UGT1A5: variants seen among roughly 807,000 people sequenced by gnomAD.
UGT1A5 encodes the protein UDP glucuronosyltransferase family 1 member A5.
Under a neutral mutation model 40.3 loss-of-function variants are expected in UGT1A5, and 29 were observed. That is an observed-to-expected ratio of 0.72 (90% CI 0.54 to 0.98). The LOEUF is 0.98. Among genes scored for constraint, UGT1A5 ranks in the 50% least tolerant of loss-of-function variants. UGT1A5 has a pLI of 0.00. For synonymous variants in UGT1A5, 257 were observed against 262.5 expected, an observed-to-expected ratio of 0.98 and a Z score of 0.20; for missense variants, 678 against 677.9, an observed-to-expected ratio of 1.00 and a Z score of 0.00.
chr2:233,767,877 CA>C lies in UGT1A5; in HGVS notation c.1029del (p.Ser344ArgfsTer23). On this transcript the variant is annotated frameshift_variant, in exon 3 of 5. Coordinates refer to ENST00000373414, the MANE Select transcript of UGT1A5 (RefSeq NM_019078.2). LOFTEE classifies it high-confidence loss of function. ...TVLWRYTGTR[P>X]SNLANNTILV... Reference sequence around the variant, plus strand: ...CTGTGGCGGTACACTGGAACCCGACCATCGAATCTTGCGAACAACACGATAC... The same window carrying C: ...CTGTGGCGGTACACTGGAACCCGACCTCGAATCTTGCGAACAACACGATAC... 6.2e-7 allele frequency: 1 copy of C among 1,614,140 alleles called. No homozygotes were observed. The highest frequency in any genetic ancestry group is 8.5e-7 in the Non-Finnish European group (1 of 1,180,040).
intron 1 of UGT1A5, chr2:233,719,729 A>C: frequency 6.2e-7 from 1 of 1,613,584 alleles, no homozygotes. Context: ...TCCAGGCAAA[A>C]CACTTTTTAA....
chr2:233,754,685 T>G (rs1172577930), intron 1 of UGT1A5: 1 of 484,648 alleles, frequency 2.1e-6, no homozygotes, highest in African/African-American at 2.0e-5. Context: ...CATCAACTAT[T>G]TCAGTGGAAG....
intron 1 of UGT1A5, among the ~76,000 whole-genome samples, chr2:233,766,588 C>T (rs1357032158): frequency 3.3e-5 from 5 of 152,174 alleles, no homozygotes; most frequent in Non-Finnish European, 5.9e-5. Flanking sequence ...GGGTGGAGCC[C>T]TCGCCAGGGA....
Position 233,743,587 on chromosome 2 carries a change from G to A in UGT1A5, c.868-23447G>A, listed in dbSNP as rs375891802. On this transcript the variant is annotated intron_variant, in intron 1 of 4. Transcript: ENST00000373414. ...GCGGGTTTCCCAAGAGGTCAAAGGA[G>A]AATGGGTCCTGGCCGCCGAAGAACT... The A allele has an allele frequency of 8.8e-6, 12 of 1,367,220 alleles. No individual in the cohort carries two copies. In the East Asian group the frequency reaches 1.4e-4, roughly 16 times the overall value. 84.7% of individuals were successfully genotyped at this position (1,367,220 alleles called of 1,614,324 possible).
At chr2:233,717,557 A>T (rs1319791307) in intron 1 of UGT1A5, among the ~76,000 whole-genome samples, 2 of 152,230 alleles carry the variant, frequency 1.3e-5, no homozygotes, top group Non-Finnish European at 2.9e-5. Flanking sequence ...CAGCAATGGC[A>T]GACATGGCCA....
intron 1 of UGT1A5, chr2:233,719,004 A>T: frequency 6.2e-7 from 1 of 1,614,212 alleles, no homozygotes; most frequent in Non-Finnish European, 8.5e-7. Flanking sequence ...GGTGGTCCTC[A>T]CCCCAGAGGT....
intron 1 of UGT1A5, chr2:233,747,921 G>C: frequency 6.2e-7 from 1 of 1,613,394 alleles, no homozygotes; most frequent in Non-Finnish European, 8.5e-7. Flanking sequence ...CCTTGCCTCT[G>C]AGCTTTTTCA....
At chr2:233,747,177 T>A in intron 1 of UGT1A5, 1 of 1,600,690 alleles carries the variant, frequency 6.2e-7, no homozygotes, top group Non-Finnish European at 8.5e-7. Context: ...AGGCACAGCG[T>A]GGGGTGGACA....
chr2:233,741,432 C>T (rs1352002109), intron 1 of UGT1A5: 1 of 151,408 alleles, frequency 6.6e-6, no homozygotes, highest in Non-Finnish European at 1.5e-5. Flanking sequence ...AGCAAACCTA[C>T]TCAGCAAACT....
intron 1 of UGT1A5, chr2:233,741,829 T>C (rs1473126770): frequency 6.6e-6 from 1 of 151,946 alleles, no homozygotes; most frequent in African/African-American, 2.4e-5. Context: ...GCCTATCCAG[T>C]TCAGTTGCCT....
At chr2:233,724,991 G>A (rs997879259) in intron 1 of UGT1A5, among the ~76,000 whole-genome samples, 1 of 144,104 alleles carries the variant, frequency 6.9e-6, no homozygotes, top group African/African-American at 2.7e-5. Context: ...GCGGTTAGGG[G>A]CTGGAGACCG....
At chr2:233,771,979 G>A (rs35456228) in intron 4 of UGT1A5, among the ~76,000 whole-genome samples, 135 of 152,326 alleles carry the variant, frequency 8.9e-4, no homozygotes, top group African/African-American at 3.2e-3. Context: ...GCCAGACATA[G>A]TGGTGCATGA....
chr2:233,766,080 C>A (rs1198931583), intron 1 of UGT1A5, among the ~76,000 whole-genome samples: 1 of 152,194 alleles, frequency 6.6e-6, no homozygotes, highest in African/African-American at 2.4e-5. Context: ...TACCTTGTCG[C>A]AAGGACAGAG....
At chr2:233,771,789 T>TCCCA (rs1282834982) in intron 4 of UGT1A5, among the ~76,000 whole-genome samples, 7 of 144,234 alleles carry the variant, frequency 4.9e-5, no homozygotes, top group East Asian at 4.5e-4. Flanking sequence ...CCTCTCTCCC[T>TCCCA]CCCTCCCTCC....
chr2:233,762,985 T>A (rs544731123), intron 1 of UGT1A5, among the ~76,000 whole-genome samples: 2 of 152,238 alleles, frequency 1.3e-5, no homozygotes, highest in Non-Finnish European at 2.9e-5. Flanking sequence ...GCTATTTTAG[T>A]GGAAATTGAT....
At chr2:233,733,206 G>C (rs1439179922) in intron 1 of UGT1A5, among the ~76,000 whole-genome samples, 1 of 152,146 alleles carries the variant, frequency 6.6e-6, no homozygotes, top group Non-Finnish European at 1.5e-5. Context: ...AGGAGACTTT[G>C]GGCTGAGACA....
At chr2:233,737,753 A>G (rs151132399) in intron 1 of UGT1A5, among the ~76,000 whole-genome samples, 3 of 151,992 alleles carry the variant, frequency 2.0e-5, no homozygotes, top group East Asian at 1.9e-4. Context: ...CAGTTTTTCA[A>G]TGTGAACATA....
chr2:233,769,511 C>T lies in UGT1A5; in HGVS notation c.1307+1072C>T. On this transcript the variant is annotated intron_variant, in intron 4 of 4. Coordinates refer to ENST00000373414, the MANE Select transcript of UGT1A5 (RefSeq NM_019078.2). This position sits in a 1 kb window ranked among gnomAD's most constrained non-coding sequence, Gnocchi z 4.4. ...TTTATGAGAGTGTCCATTGCTTTCT[C>T]CCATGGTTACCTCCTTTAGAAAGAA... 6.2e-7 allele frequency: 1 copy of T among 1,612,794 alleles called. No individual in the cohort carries two copies. The highest frequency in any genetic ancestry group is 8.5e-7 in the Non-Finnish European group (1 of 1,179,854).
rs371021401 is a variant in UGT1A5, at chr2:233,729,953, T to C, written c.867+16095T>C. The stretch of plus-strand genomic sequence containing the variant: ...CCAATCATGCCCAACATGGTCTTCA[T>C]TGGGGGCATCAACTGTGCCAACAGG... On this transcript the variant is annotated intron_variant, in intron 1 of 4. Transcript: ENST00000373414. 4.9e-4 allele frequency: 788 copies of C among 1,614,064 alleles called. 2 individuals are homozygous for C. In the South Asian group the frequency reaches 7.7e-3, roughly 16 times the overall value.
Sources: allele counts gnomAD v4.1 joint callset (sites outside exome capture counted in the v4.1 genomes callset), GRCh38; gene constraint gnomAD v4.1.1; non-coding constraint Gnocchi (gnomAD v3.1); transcripts MANE v1.5; gene names NCBI Gene and HGNC (gene_info 2026-07-23, HGNC 2026-07-21).